The following SRI variants were observed in gnomAD, a reference collection of about 807,000 sequenced individuals.
SRI encodes the protein 22 kDa protein.
Under a neutral mutation model 33.3 loss-of-function variants are expected in SRI, and 30 were observed. The observed-to-expected ratio is 0.90, with a 90% confidence interval of 0.67 to 1.22. The LOEUF (loss-of-function observed/expected upper bound fraction) is 1.22, where lower values mean the gene tolerates loss of function less well. Among genes scored for constraint, SRI ranks in the 50% most tolerant of loss-of-function variants. The pLI, the probability that SRI is intolerant of heterozygous loss-of-function variation, is 0.00. For synonymous variants in SRI, 75 were observed against 89.9 expected (o/e 0.83, Z 0.94); for missense variants, 243 against 250.8 (o/e 0.97, Z 0.21).
At chr7:88,222,551 T>C (rs1440553396), upstream of SRI, among the ~76,000 whole-genome samples, 1 of 152,050 alleles carries the variant, frequency 6.6e-6, no homozygotes, top group Non-Finnish European at 1.5e-5. Context: ...TTTTTTCTTG[T>C]AAATTTGTTT....
At chr7:88,218,547 T>A (rs1011353463) in intron 2 of SRI, among the ~76,000 whole-genome samples, 3 of 152,202 alleles carry the variant, frequency 2.0e-5, no homozygotes. Flanking sequence ...CTAATATATG[T>A]CTTTAAGTTG....
chr7:88,206,672 A>T (rs1232586916), intron 7 of SRI, among the ~76,000 whole-genome samples, 168 bp from the exon 8 acceptor site: 1 of 152,164 alleles, frequency 6.6e-6, no homozygotes, highest in Non-Finnish European at 1.5e-5. Context: ...TTTTTTAGGG[A>T]AGCAGTCTAA....
At chr7:88,208,462 G>A in intron 7 of SRI, 45 bp downstream of exon 7, 2 of 1,610,534 alleles carry the variant, frequency 1.2e-6, no homozygotes, top group Non-Finnish European at 1.7e-6. Context: ...CCCATCTGGT[G>A]TACATCCTTT....
At position 88,206,698 on chromosome 7, in the gene SRI, G is replaced by A. The variant is rs112544967; in HGVS notation, c.571-194C>T. Among the ~76,000 whole-genome samples the A allele has an allele frequency of 0.028, 4,307 of 152,076 alleles. 204 individuals carry two copies. Among genetic ancestry groups the A allele is most frequent in the African/African-American group, 0.097 (4,030 of 41,460 alleles). ...AGCAGTCTAATATAAAATCCACAGG[G>A]TTTCTCACATCAAAACTTCTTAGAG... is the stretch of plus-strand genomic sequence containing the variant. On this transcript the variant is annotated intron_variant, in intron 7 of 7. Transcript: ENST00000265729.
chr7:88,220,505 G>A (rs1851866900), upstream of SRI, among the ~76,000 whole-genome samples: 1 of 152,222 alleles, frequency 6.6e-6, no homozygotes, highest in South Asian at 2.1e-4. Flanking sequence ...TTAGGTGCCA[G>A]TGGGTGAAGG....
intron 1 of SRI, among the ~76,000 whole-genome samples, chr7:88,225,468 C>G (rs1386019820): frequency 6.6e-6 from 1 of 152,134 alleles, no homozygotes; most frequent in African/African-American, 2.4e-5. Flanking sequence ...CAGTTTTGTA[C>G]TTTGAGTAGG....
intron 4 of SRI, chr7:88,210,540 G>A (rs1267321187): frequency 2.6e-6 from 1 of 385,180 alleles, no homozygotes; most frequent in Non-Finnish European, 4.9e-6. Flanking sequence ...GCACTGGATA[G>A]TCAGCACTAC....
chr7:88,209,169 GA>G (rs766396184), intron 6 of SRI, 169 bp downstream of exon 6: 4 of 475,728 alleles, frequency 8.4e-6, no homozygotes, highest in Non-Finnish European at 1.5e-5. Flanking sequence ...ATAAATTCTG[GA>G]AAAAAAACCA....
At chr7:88,221,821 A>C, upstream of SRI, among the ~76,000 whole-genome samples, 1 of 146,970 alleles carries the variant, frequency 6.8e-6, no homozygotes, top group African/African-American at 2.5e-5. Flanking sequence ...TATATCTCCC[A>C]ATGCTATCCC....
rs1851534662 is a variant in SRI at position 88,210,005 on chromosome 7, C to T, written c.375G>A (p.Leu125=). The change falls in exon 5 of 8, where the codon TTG becomes TTA. Residue 125 remains leucine, a synonymous_variant. Transcript: ENST00000265729. ...TACCCATTGTTGTCAGGGCCTTCTG[C>T]AATTCTTGTGGGTCTACTGTTCCAC... The part of the protein sequence containing the change: ...DRSGTVDPQE[L]QKALTTMGFR... 6.2e-7 allele frequency: 1 copy of T among 1,613,998 alleles called. No individual in the cohort carries two copies. The highest frequency in any genetic ancestry group is 8.5e-7 in the Non-Finnish European group (1 of 1,180,030).
chr7:88,224,352 TCTAA>T (rs1304713594), upstream of SRI, among the ~76,000 whole-genome samples: 3 of 152,242 alleles, frequency 2.0e-5, no homozygotes, highest in Non-Finnish European at 4.4e-5. Context: ...AGAAATAGTG[TCTAA>T]CTAAGTAACT....
At chr7:88,210,850 T>C (rs1487950954) in intron 4 of SRI, 32 bp downstream of exon 4, 4 of 1,596,652 alleles carry the variant, frequency 2.5e-6, no homozygotes, top group Non-Finnish European at 3.4e-6. Context: ...TTAGAAAAAA[T>C]TATTCTAGAC....
exon 1 of SRI, chr7:88,226,913 A>T (rs755999110): frequency 6.2e-6 from 10 of 1,613,642 alleles, no homozygotes; most frequent in Admixed American, 1.7e-5. Context: ...ACTTGCCTGC[A>T]TCTTGAGTTG....
Position 88,206,338 on chromosome 7 carries a change from T to A in SRI, c.*140A>T. 1.0e-6 allele frequency: 1 copy of A among 973,412 alleles called. No homozygotes were observed. Among genetic ancestry groups the A allele is most frequent in the Non-Finnish European group, 1.6e-6 (1 of 607,398 alleles). The allele number at this position is 973,412 out of a possible 1,614,324, so 60.3% of individuals were successfully genotyped here. A position where few individuals can be genotyped will look rare whatever the true frequency, so the allele number is the denominator to read the frequency against. Reference sequence around the variant, plus strand: ...CAAAACTAAAACAAAACTTCAGTTGTACATAAAGTAATAAACTTTACAACA... The same window carrying A: ...CAAAACTAAAACAAAACTTCAGTTGAACATAAAGTAATAAACTTTACAACA... On this transcript the variant is annotated 3_prime_UTR_variant, in exon 8 of 8. Coordinates refer to ENST00000265729, the MANE Select transcript of SRI (RefSeq NM_003130.4).
Position 88,217,130 on chromosome 7 carries a change from C to A in SRI, c.197G>T (p.Gly66Val), listed in dbSNP as rs780410924. The change falls in exon 3 of 8, where the codon GGA becomes GTA. Residue 66 changes from glycine to valine, a missense_variant. Transcript: ENST00000265729. ...TGGGACTGTCAACTTACGTTTGTAT[C>A]CTCCAGCAATGCCAGACTGTGTCAG... is the stretch of plus-strand genomic sequence containing the variant. ...RCLTQSGIAGGYKPFNLETCR... is the reference protein window; with the variant it reads ...RCLTQSGIAGVYKPFNLETCR... The A allele has an allele frequency of 1.2e-6, 2 of 1,613,646 alleles. No homozygotes were observed. The highest frequency in any genetic ancestry group is 1.7e-6 in the Non-Finnish European group (2 of 1,179,952).
Position 88,226,973 on chromosome 7 carries a change from G to A in SRI, c.-59C>T, listed in dbSNP as rs1032248871. ...ATCCTTAGAGGATTGCCTTCTTGCA[G>A]AGTGGCCAAATAGAAGAATCAAGAA... On this transcript the variant is annotated 5_prime_UTR_variant, in exon 1 of 8. Transcript: ENST00000394641. 5.6e-6 allele frequency: 9 copies of A among 1,610,784 alleles called. No homozygotes were observed. In the African/African-American group the frequency reaches 1.2e-4, roughly 22 times the overall value.
upstream of SRI, chr7:88,220,078 C>G (rs1395534603): frequency 1.4e-6 from 2 of 1,478,980 alleles, no homozygotes; most frequent in East Asian, 2.8e-5. Flanking sequence ...GCCTCTCCGC[C>G]CCCTGCCCCG....
chr7:88,225,458 C>CCTTTGTACTTTG (rs1484813427), intron 1 of SRI, among the ~76,000 whole-genome samples: 3 of 152,136 alleles, frequency 2.0e-5, no homozygotes, highest in Admixed American at 2.0e-4. Context: ...TGCTAAAGGG[C>CCTTTGTACTTTG]AGTTTTGTAC....
At chr7:88,214,970 A>G (rs751496794) in intron 3 of SRI, 2 of 522,788 alleles carry the variant, frequency 3.8e-6, no homozygotes, top group South Asian at 3.0e-5. Flanking sequence ...GCTGAATTAC[A>G]ATCTTACTGA....
Sources: allele counts gnomAD v4.1 joint callset (sites outside exome capture counted in the v4.1 genomes callset), GRCh38; gene constraint gnomAD v4.1.1; transcripts MANE v1.5; gene names NCBI Gene and HGNC (gene_info 2026-07-23, HGNC 2026-07-21).